DTD1: variants seen among roughly 807,000 people sequenced by gnomAD.
The protein encoded by DTD1 is D-aminoacyl-tRNA deacylase 1.
DTD1 carries 13 observed loss-of-function variants against 25.6 expected under a neutral mutation model. The observed-to-expected ratio is 0.51, with a 90% CI of 0.33 to 0.81. The LOEUF is 0.81. Among genes scored for constraint, DTD1 ranks in the 30% least tolerant of loss-of-function variants. The pLI is 0.02. For missense variants in DTD1, 193 were observed against 266.4 expected (o/e 0.72, Z 1.92); for synonymous variants, 110 against 103.6 (o/e 1.06, Z -0.37).
intron 4 of DTD1, among the ~76,000 whole-genome samples, chr20:18,655,261 G>A (rs1056775490): frequency 1.3e-5 from 2 of 152,114 alleles, no homozygotes; most frequent in Admixed American, 6.6e-5. Context: ...AGATAGCTTC[G>A]ATTACTACTG....
intron 5 of DTD1, among the ~76,000 whole-genome samples, chr20:18,750,264 G>C (rs2061317202): frequency 6.6e-6 from 1 of 152,100 alleles, no homozygotes; most frequent in Admixed American, 6.6e-5. Flanking sequence ...ATCCCAGTAG[G>C]CCACAAAATC....
intron 3 of DTD1, among the ~76,000 whole-genome samples, chr20:18,607,526 A>G (rs2060665359): frequency 6.6e-6 from 1 of 151,914 alleles, no homozygotes; most frequent in Non-Finnish European, 1.5e-5. Context: ...GTTGGGAAGT[A>G]CCCCCACTGC....
intron 4 of DTD1, among the ~76,000 whole-genome samples, chr20:18,729,455 C>T (rs2061233207): frequency 6.6e-6 from 1 of 152,156 alleles, no homozygotes; most frequent in South Asian, 2.1e-4. Context: ...GCTGAGATTT[C>T]AATTAAATTT....
At chr20:18,678,680 A>AT (rs2060985204) in intron 4 of DTD1, 1 of 152,130 alleles carries the variant, frequency 6.6e-6, no homozygotes, top group Non-Finnish European at 1.5e-5. Context: ...GGAAGGCAAC[A>AT]TTTTACCTTT....
At chr20:18,705,721 G>T (rs548114717) in intron 4 of DTD1, among the ~76,000 whole-genome samples, 22 of 152,316 alleles carry the variant, frequency 1.4e-4, no homozygotes, top group African/African-American at 5.1e-4. Flanking sequence ...TCTGCTTTGT[G>T]TGAGAATGAC....
chr20:18,667,662 A>T (rs1600353609), intron 4 of DTD1, among the ~76,000 whole-genome samples: 1 of 152,240 alleles, frequency 6.6e-6, no homozygotes, highest in South Asian at 2.1e-4. Context: ...ACTTTCAGCA[A>T]CTATGACATG....
At chr20:18,650,038 C>A (rs1042155206) in intron 4 of DTD1, among the ~76,000 whole-genome samples, 3 of 152,040 alleles carry the variant, frequency 2.0e-5, no homozygotes, top group African/African-American at 4.8e-5. Context: ...CACAGGGAGA[C>A]GTTATCTTTA....
In DTD1 at chr20:18,676,734, T is replaced by C. The variant is rs115140618; in HGVS notation, c.477+48501T>C. On this transcript the variant is annotated intron_variant, in intron 4 of 5. Transcript: ENST00000377452. ...ACTGTCTTCACCGACGGCTGCTGCT[T>C]GTAGGATCACATTTTGGTCCTATCT... 7.2e-3 allele frequency among the ~76,000 whole-genome samples: 1,089 copies of C among 152,300 alleles called. 11 individuals are homozygous for C. Among genetic ancestry groups the C allele is most frequent in the African/African-American group, 0.025 (1,024 of 41,554 alleles).
intron 4 of DTD1, among the ~76,000 whole-genome samples, chr20:18,663,499 T>A (rs2122376576): frequency 6.6e-6 from 1 of 152,356 alleles, no homozygotes; most frequent in South Asian, 2.1e-4. Context: ...AACAATGGGA[T>A]CCATATATCT....
rs947835376 is a variant in DTD1 at position 18,765,470 on chromosome 20, A to C, written c.*2130A>C. On this transcript the variant is annotated 3_prime_UTR_variant, in exon 6 of 6. Coordinates refer to ENST00000377452, the MANE Select transcript of DTD1 (RefSeq NM_080820.6). ...AAAAGAAAGCATTTACTACTTTTGT[A>C]AACATTTTGGATTGAAGAGAACTTT... 1 of 152,212 alleles carries C rather than the reference A, an allele frequency of 6.6e-6. No individual in the cohort carries two copies. The highest frequency in any genetic ancestry group is 1.5e-5 in the Non-Finnish European group (1 of 68,036). The allele number at this position is 152,212 out of a possible 1,614,324, so 9.4% of individuals were successfully genotyped here.
At chr20:18,663,338 G>A (rs1433310317) in intron 4 of DTD1, among the ~76,000 whole-genome samples, 1 of 151,796 alleles carries the variant, frequency 6.6e-6, no homozygotes, top group Non-Finnish European at 1.5e-5. Context: ...GGGCAACATG[G>A]CGAGACTCTG....
intron 3 of DTD1, among the ~76,000 whole-genome samples, chr20:18,598,354 C>T (rs887250169): frequency 2.0e-5 from 3 of 152,160 alleles, no homozygotes; most frequent in Non-Finnish European, 4.4e-5. Context: ...GTAGGTGCCA[C>T]GTTTTCTTTA....
intron 5 of DTD1, 38 bp downstream of exon 5, chr20:18,744,309 T>C (rs2061291120): frequency 6.3e-7 from 1 of 1,599,976 alleles, no homozygotes; most frequent in South Asian, 1.1e-5. Context: ...TTCCCACATT[T>C]TGGGGAAGCA....
intron 4 of DTD1, among the ~76,000 whole-genome samples, chr20:18,682,710 AT>A (rs372597524): frequency 2.6e-5 from 4 of 152,132 alleles, no homozygotes; most frequent in Non-Finnish European, 5.9e-5. Flanking sequence ...TTGTCTATTT[AT>A]TTTTTGGACA....
intron 4 of DTD1, among the ~76,000 whole-genome samples, chr20:18,681,503 T>A (rs1234559937): frequency 6.6e-6 from 1 of 152,172 alleles, no homozygotes; most frequent in East Asian, 1.9e-4. Flanking sequence ...GGTGTTTTAC[T>A]GGGAAGTTTT....
chr20:18,623,651 AC>A (rs1340005794), intron 3 of DTD1, among the ~76,000 whole-genome samples: 2 of 151,874 alleles, frequency 1.3e-5, no homozygotes, highest in Non-Finnish European at 2.9e-5. Flanking sequence ...TTCTGCACCC[AC>A]CCTGGCGCAG....
intron 3 of DTD1, among the ~76,000 whole-genome samples, chr20:18,600,597 C>A (rs2060629864): frequency 6.6e-6 from 1 of 152,102 alleles, no homozygotes; most frequent in Admixed American, 6.6e-5. Context: ...TCTTTTGCTT[C>A]CCCATGTAAA....
At position 18,694,236 on chromosome 20, in the gene DTD1, A is replaced by C. The variant is rs1024623999; in HGVS notation, c.478-49864A>C. Among the ~76,000 whole-genome samples, 3 of 152,202 alleles carry C rather than the reference A, an allele frequency of 2.0e-5. No homozygotes were observed. The East Asian group carries it at 5.8e-4, about 29-fold the overall frequency. ...GAAGTGAACGAAATTCTTACATCAT[A>C]AATGTCAGTACCGCAGTGCTCACGG... On this transcript the variant is annotated intron_variant, in intron 4 of 5. Coordinates refer to ENST00000377452, the MANE Select transcript of DTD1 (RefSeq NM_080820.6).
intron 4 of DTD1, among the ~76,000 whole-genome samples, chr20:18,729,290 A>G (rs2061232611): frequency 6.6e-6 from 1 of 152,260 alleles, no homozygotes; most frequent in Non-Finnish European, 1.5e-5. Context: ...TTTCTTCTAC[A>G]GAAATAGAGT....
Sources: gnomAD v4.1 joint callset for allele counts (sites outside exome capture counted in the v4.1 genomes callset) on GRCh38, gnomAD v4.1.1 for gene constraint, MANE v1.5 for transcripts, NCBI Gene and HGNC (gene_info 2026-07-23, HGNC 2026-07-21) for gene names.